Variants in HMGCLL1 observed in about 807,000 individuals in gnomAD.
HMGCLL1 encodes the protein 3-hydroxy-3-methylglutaryl-CoA lyase like 1.
A neutral mutation model predicts 39.1 loss-of-function variants in HMGCLL1; 36 were observed. The ratio of observed to expected loss-of-function variants is 0.92; its 90% CI spans 0.71 to 1.22. HMGCLL1 has a LOEUF of 1.22. HMGCLL1 is among the 50% of genes most tolerant of loss of function. The pLI is 0.00. For missense variants in HMGCLL1, 451 were observed against 416.5 expected, an observed-to-expected ratio of 1.08 and a Z score of -0.72; for synonymous variants, 149 against 144.0, an observed-to-expected ratio of 1.03 and a Z score of -0.25.
the HMGCLL1 span, among the ~76,000 whole-genome samples, chr6:55,593,327 C>T: frequency 6.6e-6 from 1 of 152,204 alleles, no homozygotes; most frequent in African/African-American, 2.4e-5. Context: ...GAGAAGAAAA[C>T]AATTAAAATT....
intron 1 of HMGCLL1, chr6:55,563,853 G>T: frequency 7.8e-7 from 1 of 1,286,200 alleles, no homozygotes; most frequent in Non-Finnish European, 1.0e-6. Flanking sequence ...CCTCAAATAT[G>T]ATGGGGATCA....
At chr6:55,471,778 A>G (rs978178763) in intron 7 of HMGCLL1, among the ~76,000 whole-genome samples, 1 of 151,662 alleles carries the variant, frequency 6.6e-6, no homozygotes, top group Non-Finnish European at 1.5e-5. Context: ...AAGTTAAAAC[A>G]CCACTCAGGT....
chr6:55,476,639 A>AT (rs1157498100), intron 7 of HMGCLL1, among the ~76,000 whole-genome samples: 3 of 151,570 alleles, frequency 2.0e-5, no homozygotes, highest in African/African-American at 7.3e-5. Flanking sequence ...TAATCACAAG[A>AT]TTTTTCTTCT....
the HMGCLL1 span, among the ~76,000 whole-genome samples, chr6:55,588,499 A>AG: frequency 6.6e-6 from 1 of 152,298 alleles, no homozygotes; most frequent in South Asian, 2.1e-4. Context: ...AGAGAACTAG[A>AG]GAAGCAAGAG....
chr6:55,594,763 T>A, the HMGCLL1 span, among the ~76,000 whole-genome samples: 1 of 152,132 alleles, frequency 6.6e-6, no homozygotes, highest in Non-Finnish European at 1.5e-5. Flanking sequence ...CAGCAAGTTG[T>A]CCCATGACCT....
intron 4 of HMGCLL1, 67 bp from the exon 5 acceptor site, chr6:55,514,263 A>G (rs1767620708): frequency 1.7e-6 from 2 of 1,211,380 alleles, no homozygotes; most frequent in Non-Finnish European, 2.3e-6. Flanking sequence ...TGGTAGAATA[A>G]AGATTAACTA....
chr6:55,517,510 G>C (rs1267094372), intron 3 of HMGCLL1, among the ~76,000 whole-genome samples: 1 of 151,786 alleles, frequency 6.6e-6, no homozygotes, highest in Non-Finnish European at 1.5e-5. Flanking sequence ...AACCAAAACT[G>C]GAATCCTCAA....
intron 3 of HMGCLL1, among the ~76,000 whole-genome samples, chr6:55,533,885 C>CGAAAAAAAAAAA (rs1768845451): frequency 1.4e-5 from 1 of 71,724 alleles, no homozygotes; most frequent in Admixed American, 1.8e-4. Flanking sequence ...GACTCCGTCT[C>CGAAAAAAAAAAA]AAAAAAAAAA....
At chr6:55,495,844 A>T (rs1023146159) in intron 6 of HMGCLL1, among the ~76,000 whole-genome samples, 2 of 152,128 alleles carry the variant, frequency 1.3e-5, no homozygotes, top group Non-Finnish European at 2.9e-5. Context: ...CCTTAGAGTC[A>T]TATCTACCTA....
chr6:55,492,975 G>A (rs1227216528), intron 7 of HMGCLL1, among the ~76,000 whole-genome samples: 2 of 151,748 alleles, frequency 1.3e-5, no homozygotes, highest in East Asian at 1.9e-4. Flanking sequence ...ACACACACAC[G>A]TGCACAGAAA....
chr6:55,496,675 G>C (rs1766599478), intron 6 of HMGCLL1, among the ~76,000 whole-genome samples: 1 of 152,010 alleles, frequency 6.6e-6, no homozygotes, highest in Non-Finnish European at 1.5e-5. Context: ...AGTGCAACTA[G>C]TGATGCTGGA....
At position 55,453,754 on chromosome 6, in the gene HMGCLL1, A is replaced by G. The variant is rs4715550; in HGVS notation, c.796-14195T>C. On this transcript the variant is annotated intron_variant, in intron 7 of 8. Coordinates refer to ENST00000274901, the MANE Select transcript of HMGCLL1 (RefSeq NM_001042406.2). Reference sequence around the variant, plus strand: ...CAATCATTAGTGATGACTATTTAAAATGAAGCATAAGGAAAAAGATTGTTG... The same window carrying G: ...CAATCATTAGTGATGACTATTTAAAGTGAAGCATAAGGAAAAAGATTGTTG... 8.9e-4 allele frequency among the ~76,000 whole-genome samples: 135 copies of G among 152,352 alleles called. 3 individuals are homozygous for G. Among genetic ancestry groups the G allele is most frequent in the Admixed American group, 7.7e-3 (118 of 15,308 alleles).
intron 1 of HMGCLL1, among the ~76,000 whole-genome samples, chr6:55,576,537 T>C (rs975207321): frequency 6.6e-6 from 1 of 152,174 alleles, no homozygotes; most frequent in Non-Finnish European, 1.5e-5. Context: ...TTATTTGAAA[T>C]AGGGAACACT....
At chr6:55,583,271 T>C (rs1428429046), upstream of HMGCLL1, among the ~76,000 whole-genome samples, 1 of 152,094 alleles carries the variant, frequency 6.6e-6, no homozygotes, top group Non-Finnish European at 1.5e-5. Context: ...TGTATACATG[T>C]GCCATGCTGG....
the HMGCLL1 span, among the ~76,000 whole-genome samples, chr6:55,593,269 ACAAT>A: frequency 1.3e-5 from 2 of 152,136 alleles, no homozygotes; most frequent in South Asian, 2.1e-4. Context: ...TTTATTCATA[ACAAT>A]CATTCAAATA....
intron 7 of HMGCLL1, among the ~76,000 whole-genome samples, chr6:55,492,263 T>C (rs1242416048): frequency 6.6e-6 from 1 of 152,220 alleles, no homozygotes; most frequent in Non-Finnish European, 1.5e-5. Context: ...GCCCTGTTCA[T>C]AGTGAAGTTA....
intron 3 of HMGCLL1, among the ~76,000 whole-genome samples, chr6:55,535,585 A>G (rs1394500251): frequency 6.6e-6 from 1 of 152,048 alleles, no homozygotes; most frequent in African/African-American, 2.4e-5. Context: ...GCTCATTTGG[A>G]GATAATTTGG....
the HMGCLL1 span, among the ~76,000 whole-genome samples, chr6:55,676,859 G>T: frequency 6.6e-6 from 1 of 152,232 alleles, no homozygotes; most frequent in East Asian, 1.9e-4. Context: ...CTGAAGTTAA[G>T]TTCATAAGAG....
At chr6:55,533,611 G>A (rs543827118) in intron 3 of HMGCLL1, among the ~76,000 whole-genome samples, 83 of 152,224 alleles carry the variant, frequency 5.5e-4, no homozygotes, top group Non-Finnish European at 5.9e-4. Context: ...ACTCGGCCGG[G>A]CGCGGTGGCT....
Sources: allele counts gnomAD v4.1 joint callset (sites outside exome capture counted in the v4.1 genomes callset), GRCh38; gene constraint gnomAD v4.1.1; transcripts MANE v1.5; gene names NCBI Gene and HGNC (gene_info 2026-07-23, HGNC 2026-07-21).